Variants in SEMA5A observed in about 807,000 individuals in gnomAD.
The protein encoded by SEMA5A is semaphorin 5A, also known as semaphorin-5A.
In SEMA5A, 55 loss-of-function variants were observed where a neutral mutation model predicts 135.5. The observed-to-expected ratio is 0.41, with a 90% CI of 0.33 to 0.51. The LOEUF is 0.51. Ranked by LOEUF, SEMA5A falls within the 20% of genes least tolerant of loss-of-function variation. The pLI is 0.37. For synonymous variants in SEMA5A, 580 were observed against 546.5 expected (o/e 1.06, Z -0.85); for missense variants, 1,290 against 1,419.9 (o/e 0.91, Z 1.47).
chr5:9,195,255 C>A (rs1039374786), intron 10 of SEMA5A, among the ~76,000 whole-genome samples: 14 of 152,140 alleles, frequency 9.2e-5, no homozygotes, highest in African/African-American at 2.9e-4. Context: ...ACTGATTGAA[C>A]TCCTGGGCTC....
chr5:9,060,158 G>C (rs375914259), intron 18 of SEMA5A, among the ~76,000 whole-genome samples: 267 of 152,284 alleles, frequency 1.8e-3, no homozygotes, highest in African/African-American at 6.1e-3. Flanking sequence ...GGTGACATGG[G>C]CCACTCTGAA....
chr5:9,370,263 C>T (rs986694803), intron 3 of SEMA5A, among the ~76,000 whole-genome samples: 1 of 152,230 alleles, frequency 6.6e-6, no homozygotes, highest in Non-Finnish European at 1.5e-5. Context: ...TTCCTGGCGT[C>T]AGGGTCTTGC....
intron 2 of SEMA5A, among the ~76,000 whole-genome samples, chr5:9,423,811 G>A (rs148476837): frequency 0.013 from 1,914 of 152,256 alleles, 18 homozygotes; most frequent in South Asian, 0.021. Flanking sequence ...GCAGGTCAAA[G>A]AGCCTCTCGC....
In SEMA5A at chr5:9,063,353, C is replaced by A. The variant is rs190267837; in HGVS notation, c.2300-248G>T. Among the ~76,000 whole-genome samples the A allele has an allele frequency of 3.7e-3, 563 of 152,252 alleles. 1 individual carries two copies. Among genetic ancestry groups the A allele is most frequent in the East Asian group, 9.3e-3 (48 of 5,182 alleles). ...AAGAACTCCATGTGAATGTGGTGAA[C>A]CTTTACACAGTAAATAATAGATTCT... On this transcript the variant is annotated intron_variant, in intron 17 of 22. Transcript: ENST00000382496.
chr5:9,201,293 G>C (rs926721658), intron 9 of SEMA5A, among the ~76,000 whole-genome samples: 2 of 152,164 alleles, frequency 1.3e-5, no homozygotes, highest in Admixed American at 6.5e-5. Flanking sequence ...ACTAGATTAA[G>C]AGTGAAAGAG....
intron 12 of SEMA5A, among the ~76,000 whole-genome samples, chr5:9,153,613 G>T (rs913623518): frequency 6.6e-6 from 1 of 151,522 alleles, no homozygotes; most frequent in Non-Finnish European, 1.5e-5. Context: ...GGCGGGGGAG[G>T]GGGGGGTGTC....
intron 16 of SEMA5A, among the ~76,000 whole-genome samples, chr5:9,085,894 T>A (rs969107066): frequency 5.9e-5 from 9 of 152,074 alleles, no homozygotes; most frequent in Non-Finnish European, 1.2e-4. Context: ...AGCCACAGAG[T>A]TGGAGCTGCC....
intron 11 of SEMA5A, among the ~76,000 whole-genome samples, chr5:9,162,410 ATATG>A (rs72151722): frequency 0.12 from 15,426 of 125,546 alleles, 1,388 homozygotes; most frequent in African/African-American, 0.3. Context: ...GTGTGTATAT[ATATG>A]TGTGTGTATA....
In SEMA5A at chr5:9,379,813, G is replaced by C. The variant is rs757031676; in HGVS notation, c.124+10C>G. ...GACGGCTTTGCAATCAGTGCGTGCT[G>C]GTTCCTTACCTTTATAGGAGATGAC... is the stretch of plus-strand genomic sequence containing the variant. On this transcript the variant is annotated intron_variant, in intron 3 of 22. Transcript: ENST00000382496. The C allele has an allele frequency of 1.2e-6, 2 of 1,613,094 alleles. No individual in the cohort carries two copies. The highest frequency in any genetic ancestry group is 1.7e-6 in the Non-Finnish European group (2 of 1,179,756).
chr5:9,269,934 C>T (rs1418391179), intron 5 of SEMA5A, among the ~76,000 whole-genome samples: 1 of 152,048 alleles, frequency 6.6e-6, no homozygotes, highest in Non-Finnish European at 1.5e-5. Context: ...GACTGTCATC[C>T]TAGAAGGGCC....
At chr5:9,340,671 C>T (rs1303879423) in intron 3 of SEMA5A, among the ~76,000 whole-genome samples, 1 of 152,166 alleles carries the variant, frequency 6.6e-6, no homozygotes, top group African/African-American at 2.4e-5. Context: ...ATTTGAAATT[C>T]TAATGAACTT....
chr5:9,453,414 A>G (rs1054980451), intron 1 of SEMA5A, among the ~76,000 whole-genome samples: 1 of 152,058 alleles, frequency 6.6e-6, no homozygotes, highest in Non-Finnish European at 1.5e-5. Flanking sequence ...GCACTCTTGT[A>G]CTTTTTGTTG....
At chr5:9,441,226 G>A (rs1033137491) in intron 1 of SEMA5A, among the ~76,000 whole-genome samples, 3 of 152,168 alleles carry the variant, frequency 2.0e-5, no homozygotes, top group African/African-American at 7.2e-5. Context: ...ACTATGAATT[G>A]GAGGAAAGAG....
intron 2 of SEMA5A, among the ~76,000 whole-genome samples, chr5:9,425,116 C>T (rs545899692): frequency 2.0e-5 from 3 of 152,336 alleles, no homozygotes; most frequent in South Asian, 2.1e-4. Context: ...TCTCAATTCA[C>T]ACCACTGTCC....
intron 2 of SEMA5A, among the ~76,000 whole-genome samples, chr5:9,404,734 A>C (rs1756808577): frequency 6.6e-6 from 1 of 152,220 alleles, no homozygotes; most frequent in Admixed American, 6.5e-5. Context: ...GATTAGACTA[A>C]CTTCTGATAG....
chr5:9,231,464 TCAA>T (rs1320874800), intron 6 of SEMA5A, among the ~76,000 whole-genome samples: 2 of 30,702 alleles, frequency 6.5e-5, no homozygotes, highest in East Asian at 1.9e-3. Context: ...AGACTCCATC[TCAA>T]AAAAAAAAAA....
At chr5:9,346,131 G>C (rs1753856228) in intron 3 of SEMA5A, among the ~76,000 whole-genome samples, 1 of 152,120 alleles carries the variant, frequency 6.6e-6, no homozygotes, top group African/African-American at 2.4e-5. Flanking sequence ...GACTCAGCTG[G>C]CAGAGAGGAG....
intron 22 of SEMA5A, 130 bp from the exon 23 acceptor site, chr5:9,043,146 T>G (rs936682044): frequency 1.2e-6 from 1 of 836,668 alleles, no homozygotes; most frequent in Non-Finnish European, 1.8e-6. Context: ...ATATGTTTTC[T>G]TATTTATTTG....
At chr5:9,217,681 A>G (rs539811202) in intron 8 of SEMA5A, among the ~76,000 whole-genome samples, 50 of 152,286 alleles carry the variant, frequency 3.3e-4, no homozygotes, top group African/African-American at 1.2e-3. Context: ...CAATTCTCAA[A>G]GGTTTTGTTC....
Sources: gnomAD v4.1 joint callset for allele counts (sites outside exome capture counted in the v4.1 genomes callset) on GRCh38, gnomAD v4.1.1 for gene constraint, MANE v1.5 for transcripts, NCBI Gene and HGNC (gene_info 2026-07-23, HGNC 2026-07-21) for gene names.